The following CCAR2 variants were observed in gnomAD, a reference collection of about 807,000 sequenced individuals.
CCAR2 encodes cell cycle and apoptosis regulator protein 2.
Under a neutral mutation model 108.1 loss-of-function variants are expected in CCAR2, and 21 were observed. The ratio of observed to expected loss-of-function variants is 0.19; its 90% CI spans 0.14 to 0.28. CCAR2 has a LOEUF of 0.28. Among genes scored for constraint, CCAR2 ranks in the 10% least tolerant of loss-of-function variants. The pLI, the probability that CCAR2 is intolerant of heterozygous loss-of-function variation, is 1.00. For missense variants in CCAR2, 1,126 were observed against 1,177.0 expected (o/e 0.96, Z 0.63); for synonymous variants, 577 against 472.8 (o/e 1.22, Z -2.86).
intron 7 of CCAR2, among the ~76,000 whole-genome samples, chr8:22,608,361 C>T (rs140912519): frequency 2.1e-3 from 320 of 152,282 alleles, no homozygotes; most frequent in African/African-American, 6.2e-3. Context: ...CTTAAATACT[C>T]TTCTGTTTCT....
Position 22,616,181 on chromosome 8 carries a change from A to T in CCAR2, c.1778A>T (p.Glu593Val), listed in dbSNP as rs199673622. 3.5e-5 allele frequency: 56 copies of T among 1,613,878 alleles called. No homozygotes were observed. The highest frequency in any genetic ancestry group is 3.8e-5 in the Non-Finnish European group (45 of 1,180,032). Residue 593 changes from glutamate to valine, a missense_variant, in exon 14 of 21, where the codon GAG (glutamate) becomes GTG (valine). Physicochemically the swap from Glu to Val is moderately radical, Grantham distance 121. Transcript: ENST00000308511. ...ATKEEEAIKE[E>V]VVKEPKDEAQ... Reference sequence around the variant, plus strand: ...AAGGAGGAAGAAGCCATCAAAGAGGAGGTGGTCAAGGAGCCCAAGGATGAG... The same window carrying T: ...AAGGAGGAAGAAGCCATCAAAGAGGTGGTGGTCAAGGAGCCCAAGGATGAG...
intron 9 of CCAR2, 25 bp downstream of exon 9, chr8:22,614,339 T>TA: frequency 1.2e-6 from 2 of 1,613,918 alleles, no homozygotes; most frequent in Non-Finnish European, 1.7e-6. Context: ...GTCTCTCACT[T>TA]ATCTGATTTC....
chr8:22,617,337 A>G, intron 14 of CCAR2, 83 bp from the exon 15 acceptor site: 1 of 1,474,828 alleles, frequency 6.8e-7, no homozygotes, highest in Non-Finnish European at 9.1e-7. Flanking sequence ...GGCATAGTTG[A>G]TACTCAGGTG....
intron 7 of CCAR2, chr8:22,612,797 G>C (rs1801341450): frequency 2.1e-6 from 1 of 482,716 alleles, no homozygotes; most frequent in African/African-American, 2.0e-5. Context: ...TGTATACAAT[G>C]TTGCAGAGTG....
chr8:22,606,931 C>G lies in CCAR2; in HGVS notation c.264C>G (p.Pro88=), dbSNP rs375669086. The change falls in exon 5 of 21, where the codon CCC becomes CCG. Residue 88 remains proline (P), a synonymous_variant. Transcript: ENST00000308511. ...FQLSVVKGRL[P]QLGEKVLVKA... The stretch of plus-strand genomic sequence containing the variant: ...ACAGTGTGGTGAAGGGCCGTCTGCC[C>G]CAGCTGGGTGAGAAGGTGCTGGTGA... 3 of 1,613,954 alleles carry G rather than the reference C, an allele frequency of 1.9e-6. No individual in the cohort carries two copies. Among genetic ancestry groups the G allele is most frequent in the Non-Finnish European group, 2.5e-6 (3 of 1,180,028 alleles).
At chr8:22,605,139 G>C (rs939310959) in intron 1 of CCAR2, 5 of 205,530 alleles carry the variant, frequency 2.4e-5, no homozygotes, top group African/African-American at 4.8e-5. Context: ...GGGAGCAGGA[G>C]GGTGGCGCGC....
intron 2 of CCAR2, 28 bp from the exon 3 acceptor site, chr8:22,606,057 C>G: frequency 6.3e-7 from 1 of 1,592,514 alleles, no homozygotes. Flanking sequence ...AGGGGCGGTT[C>G]CTGGAGATTG....
intron 1 of CCAR2, chr8:22,605,070 T>C: frequency 1.5e-5 from 4 of 259,394 alleles, no homozygotes; most frequent in South Asian, 1.3e-4. Flanking sequence ...TCGCCGCGGC[T>C]CTGCTGGGAG....
intron 11 of CCAR2, 51 bp from the exon 12 acceptor site, chr8:22,615,374 C>T: frequency 6.3e-7 from 1 of 1,582,534 alleles, no homozygotes; most frequent in Non-Finnish European, 8.6e-7. Context: ...AACGTGGTGT[C>T]TGCGTGGAGT....
intron 11 of CCAR2, 197 bp downstream of exon 11, chr8:22,615,198 C>G (rs1454075607): frequency 5.7e-6 from 5 of 879,352 alleles, no homozygotes; most frequent in Non-Finnish European, 8.4e-6. Context: ...TTGAGACTCC[C>G]TGGAGTTGTC....
downstream of CCAR2, chr8:22,621,172 C>T (rs7001041): frequency 5.9e-3 from 3,043 of 511,472 alleles, 51 homozygotes; most frequent in African/African-American, 0.04. Flanking sequence ...GCATGCTGGA[C>T]GGTTCTCCAA....
rs996253034 is a variant in CCAR2 at position 22,608,417 on chromosome 8, A to G, written c.584+352A>G. Among the ~76,000 whole-genome samples the G allele has an allele frequency of 5.3e-5, 8 of 152,358 alleles. No individual in the cohort carries two copies. In the East Asian group the frequency reaches 5.8e-4, roughly 11 times the overall value. On this transcript the variant is annotated intron_variant, in intron 7 of 20. Coordinates refer to ENST00000308511, the MANE Select transcript of CCAR2 (RefSeq NM_001393997.1). ...AGGAATGGAAACTCTCAATAGTAAC[A>G]TGTCAAAACAACTAGAACACTGCAG...
At position 22,607,966 on chromosome 8, in the gene CCAR2, C is replaced by T. The variant is rs1264018945; in HGVS notation, c.488-3C>T. ...TGAGTCACCAGTCATTTCCTTTCTG[C>T]AGCTCTGAGTCTCTTCCAAACATCC... On this transcript the variant is annotated splice_region_variant and splice_polypyrimidine_tract_variant and intron_variant, in intron 6 of 20. Transcript: ENST00000308511. The T allele has an allele frequency of 8.1e-6, 13 of 1,613,166 alleles. No homozygotes were observed. In the Admixed American group the frequency reaches 1.2e-4, roughly 15 times the overall value.
In CCAR2 at chr8:22,615,454, A is replaced by C; in HGVS notation, c.1235A>C (p.Gln412Pro). 6.2e-7 allele frequency: 1 copy of C among 1,613,858 alleles called. No homozygotes were observed. Among genetic ancestry groups the C allele is most frequent in the South Asian group, 1.1e-5 (1 of 91,084 alleles). The change falls in exon 12 of 21, where the codon CAG becomes CCG. Residue 412 changes from glutamine to proline, a missense_variant. By Grantham distance (76) the Gln-to-Pro change is moderately conservative (BLOSUM62 -1). Around this residue, in one of 4 missense-constraint regions of CCAR2, gnomAD observed 1,013 missense variants for 993.9 expected, o/e 1.02. Transcript: ENST00000308511. ...CGCTTTGCCGAGTTTCAGTACCTGCAGCCGGGACCCCCCCGGCGGCTTCAG... is the reference window on the plus strand; with the variant it reads ...CGCTTTGCCGAGTTTCAGTACCTGCCGCCGGGACCCCCCCGGCGGCTTCAG... The part of the protein sequence containing the change: ...WWRFAEFQYL[Q>P]PGPPRRLQTV...
At chr8:22,607,410 G>C in intron 6 of CCAR2, 85 bp downstream of exon 6, 2 of 1,532,440 alleles carry the variant, frequency 1.3e-6, no homozygotes, top group Non-Finnish European at 1.8e-6. Flanking sequence ...TCTTAGCATA[G>C]AGGTGGGTAC....
Position 22,619,847 on chromosome 8 carries a change from C to A in CCAR2, c.*165C>A. On this transcript the variant is annotated 3_prime_UTR_variant, in exon 21 of 21. Transcript: ENST00000308511. Reference sequence around the variant, plus strand: ...GGACGGCAGGCCATCAGGCTGGGGGCTGTGCTATGTGGGATGGATGTGTGA... The same window carrying A: ...GGACGGCAGGCCATCAGGCTGGGGGATGTGCTATGTGGGATGGATGTGTGA... 1 of 699,314 alleles carries A rather than the reference C, an allele frequency of 1.4e-6. No individual in the cohort carries two copies. The highest frequency in any genetic ancestry group is 2.5e-6 in the Non-Finnish European group (1 of 407,680). The allele number at this position is 699,314 out of a possible 1,614,324, so 43.3% of individuals were successfully genotyped here. A position where few individuals can be genotyped will look rare whatever the true frequency, so the allele number is the denominator to read the frequency against.
Position 22,606,960 on chromosome 8 carries a change from C to T in CCAR2, c.293C>T (p.Ala98Val). Residue 98 changes from alanine to valine, a missense_variant, in exon 5 of 21, where the codon GCT (alanine) becomes GTT (valine). Physicochemically the swap from Ala to Val is moderately conservative, Grantham distance 64. Around this residue, in one of 4 missense-constraint regions of CCAR2, gnomAD observed 44 missense variants for 63.4 expected, o/e 0.69. Coordinates refer to ENST00000308511, the MANE Select transcript of CCAR2 (RefSeq NM_001393997.1). ...PQLGEKVLVK[A>V]AYNPGQAVPW... is the part of the protein sequence containing the mutation. ...CTGGGTGAGAAGGTGCTGGTGAAGG[C>T]TGCATACAACCCAGGCCAGGCAGTG... The T allele has an allele frequency of 1.2e-6, 2 of 1,614,156 alleles. No homozygotes were observed. The highest frequency in any genetic ancestry group is 1.7e-6 in the Non-Finnish European group (2 of 1,180,032).
intron 7 of CCAR2, among the ~76,000 whole-genome samples, chr8:22,609,895 A>G (rs1328271150): frequency 6.6e-6 from 1 of 152,244 alleles, no homozygotes; most frequent in Non-Finnish European, 1.5e-5. Context: ...AAGGACGTAC[A>G]GGTTGAGCAT....
At chr8:22,607,832 G>T (rs867919925) in intron 6 of CCAR2, 137 bp from the exon 7 acceptor site, 1 of 662,214 alleles carries the variant, frequency 1.5e-6, no homozygotes, top group Middle Eastern at 2.7e-4. Flanking sequence ...CACCATGTTC[G>T]CCAGGCTAGT....
Sources: allele counts gnomAD v4.1 joint callset (sites outside exome capture counted in the v4.1 genomes callset), GRCh38; gene constraint gnomAD v4.1.1; regional missense constraint gnomAD v4.1.1; transcripts MANE v1.5; gene names NCBI Gene and HGNC (gene_info 2026-07-23, HGNC 2026-07-21).